The following SPTB variants were observed in gnomAD, a reference collection of about 807,000 sequenced individuals.
The protein encoded by SPTB is spectrin beta, erythrocytic.
Under a neutral mutation model 256.2 loss-of-function variants are expected in SPTB, and 45 were observed. That is an observed-to-expected ratio of 0.18 (90% CI 0.14 to 0.23). SPTB has a LOEUF of 0.23. SPTB is among the 10% of genes least tolerant of loss of function. The pLI is 1.00. For synonymous variants in SPTB, 1,231 were observed against 1,243.1 expected, an observed-to-expected ratio of 0.99 and a Z score of 0.21; for missense variants, 2,715 against 3,040.4, an observed-to-expected ratio of 0.89 and a Z score of 2.52.
At chr14:64,877,961 T>C (rs1310719840) in intron 1 of SPTB, among the ~76,000 whole-genome samples, 1 of 152,222 alleles carries the variant, frequency 6.6e-6, no homozygotes, top group Non-Finnish European at 1.5e-5. Flanking sequence ...CCCAACTCTC[T>C]TCTGGGCAAG....
In SPTB at chr14:64,749,285, C is replaced by G; in HGVS notation, c.*21G>C. ...CGGTCTCTGCGCGTCCCGACTCCGC[C>G]GCGCCCGCCAGCCCCACCTGCTACT... On this transcript the variant is annotated 3_prime_UTR_variant, in exon 36 of 36. Coordinates refer to ENST00000644917, the MANE Select transcript of SPTB (RefSeq NM_001355436.2). The surrounding 1 kb of genome is among the most constrained non-coding windows in gnomAD (Gnocchi z 4.7). 2 of 1,562,070 alleles carry G rather than the reference C, an allele frequency of 1.3e-6. No homozygotes were observed. Among genetic ancestry groups the G allele is most frequent in the Non-Finnish European group, 1.7e-6 (2 of 1,158,630 alleles).
Position 64,749,799 on chromosome 14 carries a change from C to T in SPTB, c.6777-103G>A. On this transcript the variant is annotated intron_variant, in intron 34 of 35. Coordinates refer to ENST00000644917, the MANE Select transcript of SPTB (RefSeq NM_001355436.2). This position sits in a 1 kb window ranked among gnomAD's most constrained non-coding sequence, Gnocchi z 4.7. Reference sequence around the variant, plus strand: ...AATACCCTGAGCCGAACATCCAGACCCCTCTCAGGCAGCCCAGCACTTTCT... The same window carrying T: ...AATACCCTGAGCCGAACATCCAGACTCCTCTCAGGCAGCCCAGCACTTTCT... 1 of 1,512,894 alleles carries T rather than the reference C, an allele frequency of 6.6e-7. No individual in the cohort carries two copies. The highest frequency in any genetic ancestry group is 9.1e-7 in the Non-Finnish European group (1 of 1,103,280). 93.7% of individuals were successfully genotyped at this position (1,512,894 alleles called of 1,614,324 possible). A position where few individuals can be genotyped will look rare whatever the true frequency, so the allele number is the denominator to read the frequency against.
In SPTB at chr14:64,791,793, A is replaced by C. The variant is rs761574582; in HGVS notation, c.2730T>G (p.Ala910=). The C allele has an allele frequency of 1.9e-6, 3 of 1,614,134 alleles. No homozygotes were observed. Among genetic ancestry groups the C allele is most frequent in the Non-Finnish European group, 2.5e-6 (3 of 1,180,032 alleles). ...GGCCACTCTCTACCAAGCTGTTGGC[A>C]GCGAGGTTCACACCATCAATCTGAG... ...LMTQIDGVNL[A]ANSLVESGHP... The change falls in exon 15 of 36, where the codon GCT becomes GCG. Residue 910 remains alanine, a synonymous_variant. Transcript: ENST00000644917.
At chr14:64,829,706 T>C (rs927965252) in intron 1 of SPTB, among the ~76,000 whole-genome samples, 3 of 152,218 alleles carry the variant, frequency 2.0e-5, no homozygotes, top group Admixed American at 2.0e-4. Context: ...CTTGAAATTT[T>C]GTATAATAAA....
In SPTB at chr14:64,822,074, C is replaced by A. The variant is rs74056036; in HGVS notation, c.148+873G>T. Among the ~76,000 whole-genome samples, 415 of 151,940 alleles carry A rather than the reference C, an allele frequency of 2.7e-3. 3 individuals are homozygous for A. Among genetic ancestry groups the A allele is most frequent in the African/African-American group, 9.2e-3 (383 of 41,452 alleles). On this transcript the variant is annotated intron_variant, in intron 2 of 35. Coordinates refer to ENST00000644917, the MANE Select transcript of SPTB (RefSeq NM_001355436.2). ...CTTCTTAGGAGGTGGAAGACGGCAA[C>A]AGTCAATGATAGGGAAACAGGTCCA...
At chr14:64,869,130 C>T (rs530019827) in intron 1 of SPTB, among the ~76,000 whole-genome samples, 2 of 152,044 alleles carry the variant, frequency 1.3e-5, no homozygotes, top group South Asian at 4.2e-4. Context: ...AGAATAAACA[C>T]ACATGGGTTC....
At position 64,786,313 on chromosome 14, in the gene SPTB, G is replaced by C; in HGVS notation, c.3561+91C>G. 6.6e-7 allele frequency: 1 copy of C among 1,506,566 alleles called. No individual in the cohort carries two copies. Among genetic ancestry groups the C allele is most frequent in the Non-Finnish European group, 9.2e-7 (1 of 1,089,974 alleles). The allele number at this position is 1,506,566 out of a possible 1,614,324, so 93.3% of individuals were successfully genotyped here. ...ACAGAGTACAAGACAAGAGTAATGT[G>C]GTCCCTGAGTCTTACAGCACATTTG... On this transcript the variant is annotated intron_variant, in intron 16 of 35. Transcript: ENST00000644917. The surrounding 1 kb of genome is among the most constrained non-coding windows in gnomAD (Gnocchi z 5.6).
chr14:64,833,222 G>A (rs1478454571), intron 1 of SPTB, among the ~76,000 whole-genome samples: 1 of 152,128 alleles, frequency 6.6e-6, no homozygotes, highest in African/African-American at 2.4e-5. Context: ...CTTCTTCTCT[G>A]TCAGAACTCA....
At chr14:64,765,041 T>TGTGTGTGTGTGTGTGTGTGC (rs570414192) in intron 32 of SPTB, among the ~76,000 whole-genome samples, 41 of 116,990 alleles carry the variant, frequency 3.5e-4, no homozygotes, top group African/African-American at 7.7e-4. Context: ...TGTGTGTGTG[T>TGTGTGTGTGTGTGTGTGTGC]GCGCGCGCGC....
rs1566741532 is a variant in SPTB, at chr14:64,766,751, T to A, written c.6320A>T (p.His2107Leu). The change falls in exon 32 of 36, where the codon CAT becomes CTT. Residue 2107 changes from histidine to leucine, a missense_variant. Coordinates refer to ENST00000644917, the MANE Select transcript of SPTB (RefSeq NM_001355436.2). ...CGGGGACGTTCTCTCGGTGGCCGCA[T>A]GGTGGGAAACTGGAGCCTCCCCTGC... ...ETAGEAPVSH[H>L]AATERTSPGE... The A allele has an allele frequency of 6.4e-7, 1 of 1,574,464 alleles. No homozygotes were observed. Among genetic ancestry groups the A allele is most frequent in the Admixed American group, 1.8e-5 (1 of 56,704 alleles).
chr14:64,820,612 T>A (rs934806471), intron 2 of SPTB, among the ~76,000 whole-genome samples: 1 of 152,204 alleles, frequency 6.6e-6, no homozygotes, highest in Non-Finnish European at 1.5e-5. Context: ...TGCATGCTCC[T>A]GGTGAGGAGG....
chr14:64,787,005 A>C lies in SPTB; in HGVS notation c.2960T>G (p.Leu987Arg), dbSNP rs1566759241. The C allele has an allele frequency of 1.2e-6, 2 of 1,614,144 alleles. No homozygotes were observed. Among genetic ancestry groups the C allele is most frequent in the Non-Finnish European group, 1.7e-6 (2 of 1,180,028 alleles). The part of the protein sequence containing the change: ...VESTKDLGRD[L>R]AGIIAIQRKL... ...CCTCTGGATGGCGATGATACCTGCC[A>C]GGTCCCGCCCCAGGTCTTTTGTGGA... Residue 987 changes from leucine (L) to arginine (R), a missense_variant, in exon 16 of 36, where the codon CTG (leucine) becomes CGG (arginine). Coordinates refer to ENST00000644917, the MANE Select transcript of SPTB (RefSeq NM_001355436.2).
At position 64,837,155 on chromosome 14, in the gene SPTB, G is replaced by A. The variant is rs116680707; in HGVS notation, c.-51-14010C>T. On this transcript the variant is annotated intron_variant, in intron 1 of 35. Coordinates refer to ENST00000644917, the MANE Select transcript of SPTB (RefSeq NM_001355436.2). ...CCAAGGTTAAAGAAAGTGGTGGGGA[G>A]GGTGTCAGAATGAAGCCCAGATTTC... Among the ~76,000 whole-genome samples the A allele has an allele frequency of 1.2e-3, 186 of 152,350 alleles. 1 individual carries two copies. The highest frequency in any genetic ancestry group is 4.4e-3 in the African/African-American group (181 of 41,586).
chr14:64,763,914 G>A (rs2082129693), intron 32 of SPTB: 2 of 517,450 alleles, frequency 3.9e-6, no homozygotes, highest in South Asian at 1.4e-5. Flanking sequence ...CGTGGGGAAG[G>A]GGAGGACTGG....
In SPTB at chr14:64,802,277, G is replaced by A. The variant is rs777269456; in HGVS notation, c.515C>T (p.Thr172Ile). Residue 172 changes from threonine (T) to isoleucine (I), a missense_variant, in exon 5 of 36, where the codon ACA becomes ATA. Physicochemically the swap from Thr to Ile is moderately conservative, Grantham distance 89. Around this residue, in one of 4 missense-constraint regions of SPTB, gnomAD observed 416 missense variants for 571.1 expected, o/e 0.73. Transcript: ENST00000644917. This position sits in a 1 kb window ranked among gnomAD's most constrained non-coding sequence, Gnocchi z 5.1. The stretch of plus-strand genomic sequence containing the variant: ...CAGCAACGCATCCTTGGCTGAGCGT[G>A]TTTCACGACCTTCCTGAGTTTGGAC... Reference protein sequence around the residue: ...IVVQTQEGRETRSAKDALLLW... With the variant: ...IVVQTQEGREIRSAKDALLLW... 15 of 1,614,126 alleles carry A rather than the reference G, an allele frequency of 9.3e-6. No individual in the cohort carries two copies. The highest frequency in any genetic ancestry group is 1.3e-5 in the Non-Finnish European group (15 of 1,180,058).
Position 64,766,783 on chromosome 14 carries a change from G to A in SPTB, c.6288C>T (p.Gly2096=), listed in dbSNP as rs770798488. Reference sequence around the variant, plus strand: ...AAACTGGAGCCTCCCCTGCTGTCTCGCCTTCCTCCTCTTGAGGCCTAAGGA... The same window carrying A: ...AAACTGGAGCCTCCCCTGCTGTCTCACCTTCCTCCTCTTGAGGCCTAAGGA... ...AEETGPQEEE[G]ETAGEAPVSH... The change falls in exon 32 of 36, where the codon GGC becomes GGT. Residue 2096 remains glycine (G), a synonymous_variant. Coordinates refer to ENST00000644917, the MANE Select transcript of SPTB (RefSeq NM_001355436.2). 23 of 1,612,054 alleles carry A rather than the reference G, an allele frequency of 1.4e-5. No homozygotes were observed. The highest frequency in any genetic ancestry group is 4.0e-5 in the African/African-American group (3 of 74,846).
chr14:64,865,135 C>T (rs1882088088), intron 1 of SPTB, among the ~76,000 whole-genome samples: 1 of 151,884 alleles, frequency 6.6e-6, no homozygotes, highest in Non-Finnish European at 1.5e-5. Context: ...TCATTTTGAC[C>T]CCCTTCACAT....
At chr14:64,846,046 C>T (rs2083685685) in intron 1 of SPTB, among the ~76,000 whole-genome samples, 1 of 152,200 alleles carries the variant, frequency 6.6e-6, no homozygotes, top group African/African-American at 2.4e-5. Flanking sequence ...CCCAGTGAAA[C>T]ACTAGAAGCT....
At chr14:64,799,630 TA>T in intron 9 of SPTB, 116 bp downstream of exon 9, 1 of 1,227,088 alleles carries the variant, frequency 8.1e-7, no homozygotes, top group Non-Finnish European at 1.2e-6. Flanking sequence ...TACAGCTCTC[TA>T]ATCTTGAGGG....
Sources: gnomAD v4.1 joint callset for allele counts (sites outside exome capture counted in the v4.1 genomes callset) on GRCh38, gnomAD v4.1.1 for gene constraint, gnomAD v4.1.1 regional missense constraint, Gnocchi (gnomAD v3.1) non-coding constraint, MANE v1.5 for transcripts, NCBI Gene and HGNC (gene_info 2026-07-23, HGNC 2026-07-21) for gene names.